CD2AP: variants seen among roughly 807,000 people sequenced by gnomAD.
CD2AP encodes CD2 associated protein, also known as CD2-associated protein.
A neutral mutation model predicts 85.1 loss-of-function variants in CD2AP; 46 were observed. The observed-to-expected ratio is 0.54, with a 90% CI of 0.43 to 0.69. CD2AP has a LOEUF of 0.69. Ranked by LOEUF, CD2AP falls within the 30% of genes least tolerant of loss-of-function variation. The probability of loss-of-function intolerance (pLI) is 0.00; values close to 1 mark genes in which losing one functional copy is unlikely to be tolerated. For missense variants in CD2AP, 769 were observed against 729.5 expected (o/e 1.05, Z -0.62); for synonymous variants, 255 against 252.9 (o/e 1.01, Z -0.08).
chr6:47,599,480 A>G, intron 13 of CD2AP, 37 bp downstream of exon 13: 1 of 1,589,638 alleles, frequency 6.3e-7, no homozygotes, highest in East Asian at 2.3e-5. Flanking sequence ...CATTTAAAAA[A>G]AAAAATTGTC....
intron 11 of CD2AP, among the ~76,000 whole-genome samples, chr6:47,588,694 C>T (rs557162845): frequency 6.6e-6 from 1 of 152,022 alleles, no homozygotes; most frequent in African/African-American, 2.4e-5. Context: ...TGTTATGGAC[C>T]TGAATTATAT....
At chr6:47,512,948 TGTA>T (rs1766358469) in intron 2 of CD2AP, among the ~76,000 whole-genome samples, 1 of 152,236 alleles carries the variant, frequency 6.6e-6, no homozygotes, top group Admixed American at 6.5e-5. Context: ...GGATACATAA[TGTA>T]GTTGCATCTG....
intron 2 of CD2AP, among the ~76,000 whole-genome samples, chr6:47,505,580 G>A (rs1480114285): frequency 2.2e-4 from 31 of 143,284 alleles, no homozygotes; most frequent in African/African-American, 8.0e-4. Flanking sequence ...GGGCAGAGGC[G>A]CCCCTCACCT....
chr6:47,536,757 G>T (rs1767059469), intron 3 of CD2AP, among the ~76,000 whole-genome samples: 1 of 152,186 alleles, frequency 6.6e-6, no homozygotes, highest in South Asian at 2.1e-4. Context: ...GAACAAATGT[G>T]CATTTCTCAA....
intron 3 of CD2AP, among the ~76,000 whole-genome samples, chr6:47,535,295 T>C (rs188694021): frequency 2.3e-4 from 35 of 152,350 alleles, no homozygotes; most frequent in Admixed American, 1.2e-3. Flanking sequence ...TAATCACATT[T>C]ACTTTAATGT....
intron 2 of CD2AP, among the ~76,000 whole-genome samples, chr6:47,509,437 T>TA (rs35054815): frequency 0.6 from 88,570 of 146,554 alleles, 27,152 homozygotes; most frequent in Middle Eastern, 0.73. Flanking sequence ...CTTCAATTTG[T>TA]AAAAAAAAAA....
intron 5 of CD2AP, among the ~76,000 whole-genome samples, chr6:47,571,448 G>C (rs1768150513): frequency 6.6e-6 from 1 of 152,160 alleles, no homozygotes. Context: ...GCTAATTTCT[G>C]AACTGCATTA....
At chr6:47,502,993 C>T (rs1766036962) in intron 1 of CD2AP, among the ~76,000 whole-genome samples, 2 of 152,180 alleles carry the variant, frequency 1.3e-5, no homozygotes, top group South Asian at 2.1e-4. Flanking sequence ...AGTCTGTCTG[C>T]TACAAAGGAT....
intron 2 of CD2AP, among the ~76,000 whole-genome samples, chr6:47,516,554 T>C (rs1436943886): frequency 6.6e-6 from 1 of 152,232 alleles, no homozygotes; most frequent in Non-Finnish European, 1.5e-5. Flanking sequence ...GGTCTTTTCA[T>C]GATGTGCAAT....
chr6:47,502,511 T>TTTG (rs1766021873), intron 1 of CD2AP, among the ~76,000 whole-genome samples: 2 of 151,026 alleles, frequency 1.3e-5, no homozygotes, highest in African/African-American at 4.9e-5. Context: ...TTTTTTTTTT[T>TTTG]TGAGACGGAG....
intron 4 of CD2AP, among the ~76,000 whole-genome samples, chr6:47,545,776 A>C (rs1767349756): frequency 6.6e-6 from 1 of 152,160 alleles, no homozygotes; most frequent in South Asian, 2.1e-4. Context: ...TCTACAGTTC[A>C]ACTCTCAGGA....
intron 1 of CD2AP, among the ~76,000 whole-genome samples, chr6:47,491,927 A>G (rs1403256153): frequency 6.6e-6 from 1 of 152,152 alleles, no homozygotes; most frequent in African/African-American, 2.4e-5. Context: ...GGTAAGGATT[A>G]AGTTCTTAGA....
In CD2AP at chr6:47,624,216, C is replaced by T. The variant is rs750989224; in HGVS notation, c.1909C>T (p.Leu637=). The change falls in exon 18 of 18, where the codon CTG becomes TTG. Residue 637 remains leucine (L), a synonymous_variant. Transcript: ENST00000359314. ...AATAGAGAAGCTGAAAAAAGCTGTC[C>T]TGTCTTCTTGAGTGGTGTGGACCTG... ...MEIEKLKKAV[L]SS is the part of the protein sequence containing the mutation. 3 of 1,612,152 alleles carry T rather than the reference C, an allele frequency of 1.9e-6. No homozygotes were observed. Among genetic ancestry groups the T allele is most frequent in the East Asian group, 2.2e-5 (1 of 44,762 alleles).
intron 8 of CD2AP, among the ~76,000 whole-genome samples, chr6:47,577,661 A>G (rs1582582016): frequency 6.6e-6 from 1 of 152,344 alleles, no homozygotes; most frequent in Admixed American, 6.5e-5. Flanking sequence ...GAATCCTATA[A>G]TAACTAGTAT....
At chr6:47,486,032 G>C (rs1346376843) in intron 1 of CD2AP, among the ~76,000 whole-genome samples, 1 of 152,090 alleles carries the variant, frequency 6.6e-6, no homozygotes, top group East Asian at 1.9e-4. Context: ...TTTTAAGTGT[G>C]GTGATAGTTA....
intron 11 of CD2AP, among the ~76,000 whole-genome samples, chr6:47,592,607 T>C (rs533011405): frequency 7.2e-5 from 11 of 152,270 alleles, no homozygotes; most frequent in Middle Eastern, 3.4e-3. Flanking sequence ...TCTGAGTTTA[T>C]ATTAATGAGG....
At chr6:47,575,294 G>A (rs930797978) in intron 6 of CD2AP, among the ~76,000 whole-genome samples, 2 of 152,174 alleles carry the variant, frequency 1.3e-5, no homozygotes, top group African/African-American at 4.8e-5. Flanking sequence ...TCTTGGCATT[G>A]TGATAGAAAT....
chr6:47,602,610 T>C (rs1769169242), intron 13 of CD2AP, among the ~76,000 whole-genome samples: 2 of 151,764 alleles, frequency 1.3e-5, no homozygotes, highest in African/African-American at 2.4e-5. Context: ...TTCATGCCTG[T>C]GATCACAGCA....
intron 4 of CD2AP, among the ~76,000 whole-genome samples, chr6:47,547,096 C>T (rs1278802694): frequency 2.0e-5 from 3 of 151,982 alleles, no homozygotes. Flanking sequence ...TCTCACAGGA[C>T]CTATAAAACA....
Sources: gnomAD v4.1 joint callset for allele counts (sites outside exome capture counted in the v4.1 genomes callset) on GRCh38, gnomAD v4.1.1 for gene constraint, MANE v1.5 for transcripts, NCBI Gene and HGNC (gene_info 2026-07-23, HGNC 2026-07-21) for gene names.